SCTR: variants seen among roughly 807,000 people sequenced by gnomAD.
The protein encoded by SCTR is secretin receptor, also known as pancreatic secretin receptor.
A neutral mutation model predicts 60.8 loss-of-function variants in SCTR; 56 were observed. The ratio of observed to expected loss-of-function variants is 0.92; its 90% CI spans 0.74 to 1.15. The LOEUF is 1.15. Ranked by LOEUF, SCTR falls within the 50% of genes most tolerant of loss-of-function variation. SCTR has a pLI of 0.00. For synonymous variants in SCTR, 202 were observed against 217.0 expected (o/e 0.93, Z 0.61); for missense variants, 562 against 550.4 (o/e 1.02, Z -0.21).
intron 1 of SCTR, among the ~76,000 whole-genome samples, chr2:119,515,524 G>T (rs994998905): frequency 6.6e-6 from 1 of 152,120 alleles, no homozygotes; most frequent in Non-Finnish European, 1.5e-5. Flanking sequence ...AATCGGCTGG[G>T]CACTGAATAC....
chr2:119,460,833 A>G (rs1683573705), intron 7 of SCTR, among the ~76,000 whole-genome samples: 1 of 152,176 alleles, frequency 6.6e-6, no homozygotes, highest in African/African-American at 2.4e-5. Context: ...ATGTGGTTTG[A>G]GTAGCTAAGG....
At chr2:119,445,622 A>G (rs1682897203) in intron 11 of SCTR, among the ~76,000 whole-genome samples, 1 of 152,234 alleles carries the variant, frequency 6.6e-6, no homozygotes, top group South Asian at 2.1e-4. Flanking sequence ...GCTTGGCTGG[A>G]CAATATCGCC....
intron 1 of SCTR, among the ~76,000 whole-genome samples, chr2:119,518,116 C>G (rs927189252): frequency 4.6e-5 from 7 of 152,122 alleles, no homozygotes; most frequent in Admixed American, 4.6e-4. Flanking sequence ...GAGACCAAAC[C>G]CTTGGGGATC....
At chr2:119,524,014 G>A in intron 1 of SCTR, 141 bp downstream of exon 1, 1 of 664,646 alleles carries the variant, frequency 1.5e-6, no homozygotes, top group Non-Finnish European at 2.7e-6. Flanking sequence ...ATTAATGTTG[G>A]GAGGATTGGG....
chr2:119,452,847 C>T (rs1312260710), intron 8 of SCTR, among the ~76,000 whole-genome samples: 1 of 152,152 alleles, frequency 6.6e-6, no homozygotes, highest in Non-Finnish European at 1.5e-5. Context: ...CCAGGTGCGT[C>T]CCCTGGGCTC....
chr2:119,488,184 C>T (rs186661095), intron 2 of SCTR, among the ~76,000 whole-genome samples: 10 of 152,330 alleles, frequency 6.6e-5, no homozygotes, highest in Admixed American at 6.5e-4. Flanking sequence ...TAAATGCACA[C>T]TGCAGAAGGT....
chr2:119,488,209 G>C (rs1315582307), intron 2 of SCTR, among the ~76,000 whole-genome samples: 1 of 152,270 alleles, frequency 6.6e-6, no homozygotes, highest in Non-Finnish European at 1.5e-5. Flanking sequence ...ATGCAAAACA[G>C]ATCCCAGTGA....
At chr2:119,492,342 G>C (rs573386859) in intron 2 of SCTR, among the ~76,000 whole-genome samples, 1 of 152,220 alleles carries the variant, frequency 6.6e-6, no homozygotes, top group African/African-American at 2.4e-5. Context: ...TAAGTGATGA[G>C]AGCACAGCCG....
At chr2:119,469,681 T>C (rs776047272) in intron 4 of SCTR, among the ~76,000 whole-genome samples, 9 of 152,122 alleles carry the variant, frequency 5.9e-5, no homozygotes, top group Non-Finnish European at 1.2e-4. Context: ...TTTGTAGAGA[T>C]AGGGTCTCCC....
At chr2:119,503,477 A>G (rs957591057) in intron 1 of SCTR, among the ~76,000 whole-genome samples, 1 of 152,190 alleles carries the variant, frequency 6.6e-6, no homozygotes, top group Admixed American at 6.5e-5. Context: ...TGGTGGCTGC[A>G]GTGAGCCATG....
chr2:119,486,673 T>C (rs530667544), intron 2 of SCTR: 1 of 152,364 alleles, frequency 6.6e-6, no homozygotes, highest in South Asian at 2.1e-4. Flanking sequence ...GTTTCGGCTC[T>C]GTGCGATCCT....
intron 2 of SCTR, chr2:119,486,924 A>G (rs1246232397): frequency 6.6e-6 from 1 of 152,296 alleles, no homozygotes; most frequent in Non-Finnish European, 1.5e-5. Flanking sequence ...GGGGCCAGGC[A>G]ACTCCAGAAA....
chr2:119,459,864 T>C (rs374235458), intron 7 of SCTR, among the ~76,000 whole-genome samples: 59 of 152,302 alleles, frequency 3.9e-4, no homozygotes, highest in African/African-American at 1.4e-3. Context: ...ACGGTCCATG[T>C]TCATACAGCT....
chr2:119,470,959 C>T (rs1414188589), intron 4 of SCTR, among the ~76,000 whole-genome samples: 10 of 152,222 alleles, frequency 6.6e-5, no homozygotes, highest in African/African-American at 2.4e-4. Context: ...TCTCGACCTC[C>T]CAAAGTGGTG....
chr2:119,446,453 AC>A (rs1682930443), intron 11 of SCTR, among the ~76,000 whole-genome samples: 1 of 152,164 alleles, frequency 6.6e-6, no homozygotes, highest in South Asian at 2.1e-4. Flanking sequence ...ATCCGCGCTT[AC>A]GTTATTTTGA....
At chr2:119,459,325 C>T (rs896395995) in intron 7 of SCTR, among the ~76,000 whole-genome samples, 9 of 151,688 alleles carry the variant, frequency 5.9e-5, no homozygotes, top group Non-Finnish European at 8.8e-5. Flanking sequence ...ATGACCACAG[C>T]TATGTGAGGA....
At chr2:119,491,798 G>T (rs72834818) in intron 2 of SCTR, among the ~76,000 whole-genome samples, 6 of 152,066 alleles carry the variant, frequency 3.9e-5, no homozygotes, top group Non-Finnish European at 7.4e-5. Context: ...GGTGTAAGCC[G>T]CTGTGCCCGG....
chr2:119,482,334 A>T lies in SCTR; in HGVS notation c.194-3416T>A, dbSNP rs901634850. ...CAGGAGAGGGGAAGTGGGAGGGCCC[A>T]GAGAGGAACCCAGTCCTGAAATCAG... On this transcript the variant is annotated intron_variant, in intron 2 of 12. Coordinates refer to ENST00000019103, the MANE Select transcript of SCTR (RefSeq NM_002980.3). 5.9e-5 allele frequency among the ~76,000 whole-genome samples: 9 copies of T among 152,312 alleles called. No homozygotes were observed. In the South Asian group the frequency reaches 1.0e-3, roughly 18 times the overall value.
chr2:119,500,022 T>C (rs1454168657), intron 1 of SCTR, among the ~76,000 whole-genome samples: 2 of 152,010 alleles, frequency 1.3e-5, no homozygotes, highest in African/African-American at 4.8e-5. Flanking sequence ...TACACTTCAA[T>C]TTAAAAATGG....
Sources: allele counts gnomAD v4.1 joint callset (sites outside exome capture counted in the v4.1 genomes callset), GRCh38; gene constraint gnomAD v4.1.1; transcripts MANE v1.5; gene names NCBI Gene and HGNC (gene_info 2026-07-23, HGNC 2026-07-21).